The following WFDC11 variants were observed in gnomAD, a reference collection of about 807,000 sequenced individuals.
The protein encoded by WFDC11 is WAP four-disulfide core domain 11, also known as protein WFDC11.
Under a neutral mutation model 9.9 loss-of-function variants are expected in WFDC11, and 9 were observed. The observed-to-expected ratio is 0.91, with a 90% CI of 0.55 to 1.58. The LOEUF is 1.58. Ranked by LOEUF, WFDC11 falls within the 40% of genes most tolerant of loss-of-function variation. The pLI, the probability that WFDC11 is intolerant of heterozygous loss-of-function variation, is 0.00. For missense variants in WFDC11, 106 were observed against 101.7 expected (o/e 1.04, Z -0.18); for synonymous variants, 32 against 33.3 (o/e 0.96, Z 0.13).
Position 45,648,664 on chromosome 20 carries a change from C to G in WFDC11, c.*55G>C. 6.2e-7 allele frequency: 1 copy of G among 1,604,082 alleles called. No homozygotes were observed. The highest frequency in any genetic ancestry group is 1.3e-5 in the African/African-American group (1 of 74,770). The stretch of plus-strand genomic sequence containing the variant: ...GTAGCCACAGGGTACTACTATGAGA[C>G]CTCTTAAACATTTCCCAGCCCACAC... On this transcript the variant is annotated 3_prime_UTR_variant, in exon 5 of 5. Coordinates refer to ENST00000324384, the MANE Select transcript of WFDC11 (RefSeq NM_147197.2).
At chr20:45,649,183 T>G in intron 4 of WFDC11, 74 bp downstream of exon 4, 2 of 1,566,434 alleles carry the variant, frequency 1.3e-6, no homozygotes, top group East Asian at 2.2e-5. Context: ...GTCTTCTGTT[T>G]AGGAATAACA....
intron 2 of WFDC11, among the ~76,000 whole-genome samples, chr20:45,653,257 G>C (rs2145616701): frequency 6.6e-6 from 1 of 152,258 alleles, no homozygotes; most frequent in South Asian, 2.1e-4. Context: ...AGCCAGAAGA[G>C]AGTGGGGGCC....
intron 3 of WFDC11, among the ~76,000 whole-genome samples, chr20:45,649,794 TCA>T (rs1278054902): frequency 6.6e-6 from 1 of 152,176 alleles, no homozygotes; most frequent in African/African-American, 2.4e-5. Context: ...AATGCCTATT[TCA>T]CAGAGTGGGG....
At chr20:45,649,470 T>TA (rs1354558187) in intron 3 of WFDC11, 71 bp from the exon 4 acceptor site, 1 of 1,562,488 alleles carries the variant, frequency 6.4e-7, no homozygotes, top group Non-Finnish European at 8.7e-7. Context: ...AGGCCTTTCA[T>TA]ACGTTTAACA....
At chr20:45,669,728 A>G (rs1018273959) in intron 1 of WFDC11, among the ~76,000 whole-genome samples, 9 of 152,162 alleles carry the variant, frequency 5.9e-5, no homozygotes, top group African/African-American at 1.9e-4. Context: ...AGTTAGAAAT[A>G]TCTCCAATTA....
chr20:45,658,203 A>T (rs1982977256), intron 2 of WFDC11, among the ~76,000 whole-genome samples: 1 of 151,718 alleles, frequency 6.6e-6, no homozygotes, highest in African/African-American at 2.4e-5. Flanking sequence ...CTTTTTACTT[A>T]TTATTTGGTG....
At chr20:45,661,598 G>A (rs143760619) in intron 2 of WFDC11, among the ~76,000 whole-genome samples, 2,126 of 152,180 alleles carry the variant, frequency 0.014, 89 homozygotes, top group Admixed American at 0.099. Flanking sequence ...TTTTGTATAC[G>A]GTGTAAGGAA....
At chr20:45,660,646 AT>A (rs1568663235) in intron 2 of WFDC11, among the ~76,000 whole-genome samples, 1 of 151,984 alleles carries the variant, frequency 6.6e-6, no homozygotes, top group East Asian at 1.9e-4. Flanking sequence ...ATTCCCACCT[AT>A]GAGTGAGAAT....
chr20:45,664,117 G>A (rs1983135165), intron 2 of WFDC11, among the ~76,000 whole-genome samples: 1 of 152,152 alleles, frequency 6.6e-6, no homozygotes, highest in Non-Finnish European at 1.5e-5. Context: ...CCCGTATTGG[G>A]TGCATATATA....
At chr20:45,664,751 C>G (rs1983151904) in intron 2 of WFDC11, among the ~76,000 whole-genome samples, 1 of 152,194 alleles carries the variant, frequency 6.6e-6, no homozygotes, top group African/African-American at 2.4e-5. Context: ...GGCTCCCACT[C>G]TCTTCTGGCT....
chr20:45,664,801 G>A (rs575894757), intron 2 of WFDC11, among the ~76,000 whole-genome samples: 66 of 152,238 alleles, frequency 4.3e-4, no homozygotes, highest in African/African-American at 1.5e-3. Flanking sequence ...TAGTCTGATG[G>A]GCTTCCCTTT....
chr20:45,654,956 A>C (rs1982891821), intron 2 of WFDC11, among the ~76,000 whole-genome samples: 1 of 152,212 alleles, frequency 6.6e-6, no homozygotes, highest in Non-Finnish European at 1.5e-5. Flanking sequence ...TACCAATCAA[A>C]AAAAGTCCAG....
chr20:45,659,970 A>G (rs891943551), intron 2 of WFDC11, among the ~76,000 whole-genome samples: 1 of 152,166 alleles, frequency 6.6e-6, no homozygotes, highest in East Asian at 1.9e-4. Flanking sequence ...TAAATAGGGA[A>G]TGCTTTCCCT....
intron 2 of WFDC11, among the ~76,000 whole-genome samples, chr20:45,659,973 C>T (rs1166124182): frequency 6.6e-6 from 1 of 152,122 alleles, no homozygotes; most frequent in Non-Finnish European, 1.5e-5. Context: ...ATAGGGAATG[C>T]TTTCCCTATT....
Position 45,669,586 on chromosome 20 carries a change from A to C in WFDC11, c.-134+592T>G, listed in dbSNP as rs115815608. Reference sequence around the variant, plus strand: ...TTCCTGAATGACTTTTTGGTAAACAACAAAATTAAGACAGAAATCAAGAAG... The same window carrying C: ...TTCCTGAATGACTTTTTGGTAAACACCAAAATTAAGACAGAAATCAAGAAG... On this transcript the variant is annotated intron_variant, in intron 1 of 4. Coordinates refer to ENST00000324384, the MANE Select transcript of WFDC11 (RefSeq NM_147197.2). 5.5e-3 allele frequency among the ~76,000 whole-genome samples: 842 copies of C among 152,326 alleles called. 6 individuals carry two copies. The highest frequency in any genetic ancestry group is 0.019 in the African/African-American group (808 of 41,578).
At chr20:45,658,062 TA>T (rs923299017) in intron 2 of WFDC11, among the ~76,000 whole-genome samples, 2 of 152,154 alleles carry the variant, frequency 1.3e-5, no homozygotes, top group Non-Finnish European at 2.9e-5. Context: ...AACTGACATA[TA>T]AAAAACTATT....
At chr20:45,657,908 T>C (rs939985095) in intron 2 of WFDC11, among the ~76,000 whole-genome samples, 10 of 152,152 alleles carry the variant, frequency 6.6e-5, no homozygotes, top group Non-Finnish European at 1.0e-4. Context: ...TAGAACATAG[T>C]GAAAATATTT....
intron 3 of WFDC11, among the ~76,000 whole-genome samples, chr20:45,649,925 A>G (rs1373755619): frequency 6.6e-6 from 1 of 151,974 alleles, no homozygotes; most frequent in East Asian, 1.9e-4. Flanking sequence ...CAGTTTTCTT[A>G]GCCCCTCTAT....
chr20:45,669,101 G>A lies in WFDC11; in HGVS notation c.-134+1077C>T, dbSNP rs190537057. 6.9e-3 allele frequency among the ~76,000 whole-genome samples: 1,048 copies of A among 152,222 alleles called. 8 individuals are homozygous for A. Among genetic ancestry groups the A allele is most frequent in the Middle Eastern group, 0.01 (3 of 294 alleles). On this transcript the variant is annotated intron_variant, in intron 1 of 4. Coordinates refer to ENST00000324384, the MANE Select transcript of WFDC11 (RefSeq NM_147197.2). ...AGATGGTAGGTCGGAGGAGCCAGCA[G>A]GCTATTGACTATTCACAGTTGTCTA...
Sources: gnomAD v4.1 joint callset for allele counts (sites outside exome capture counted in the v4.1 genomes callset) on GRCh38, gnomAD v4.1.1 for gene constraint, MANE v1.5 for transcripts, NCBI Gene and HGNC (gene_info 2026-07-23, HGNC 2026-07-21) for gene names.